NKAIN2: variants seen among roughly 807,000 people sequenced by gnomAD.
NKAIN2 encodes sodium/potassium-transporting ATPase subunit beta-1-interacting protein 2.
Under a neutral mutation model 32.6 loss-of-function variants are expected in NKAIN2, and 14 were observed. The observed-to-expected ratio is 0.43, with a 90% CI of 0.28 to 0.67. NKAIN2 has a LOEUF of 0.67. Among genes scored for constraint, NKAIN2 ranks in the 30% least tolerant of loss-of-function variants. NKAIN2 has a pLI of 0.17. For missense variants in NKAIN2, 198 were observed against 258.3 expected, an observed-to-expected ratio of 0.77 and a Z score of 1.60; for synonymous variants, 80 against 87.2, an observed-to-expected ratio of 0.92 and a Z score of 0.46.
At chr6:124,207,514 A>G (rs1562422607) in intron 1 of NKAIN2, among the ~76,000 whole-genome samples, 1 of 150,348 alleles carries the variant, frequency 6.7e-6, no homozygotes, top group African/African-American at 2.4e-5. Context: ...CAGTTTTACT[A>G]TAGCATTTCT....
rs191676700 is a variant in NKAIN2, at chr6:124,554,212, G to A, written c.274-103974G>A. ...AATTCATTCTCTTTCCTGGAGGTACGTTTCACAGCTAACTATTCTTGGCAG... is the reference window on the plus strand; with the variant it reads ...AATTCATTCTCTTTCCTGGAGGTACATTTCACAGCTAACTATTCTTGGCAG... On this transcript the variant is annotated intron_variant, in intron 3 of 6. Transcript: ENST00000368417. 2.3e-4 allele frequency among the ~76,000 whole-genome samples: 35 copies of A among 152,262 alleles called. No homozygotes were observed. In the East Asian group the frequency reaches 4.8e-3, roughly 21 times the overall value.
intron 1 of NKAIN2, among the ~76,000 whole-genome samples, chr6:123,830,246 T>C (rs1363702130): frequency 6.6e-6 from 1 of 152,170 alleles, no homozygotes; most frequent in African/African-American, 2.4e-5. Flanking sequence ...GGCTCCCCTC[T>C]TGTCTTCTTT....
intron 1 of NKAIN2, among the ~76,000 whole-genome samples, chr6:124,275,940 C>T (rs79136003): frequency 0.034 from 5,149 of 151,932 alleles, 309 homozygotes; most frequent in African/African-American, 0.12. Context: ...TATAACATCC[C>T]CATATTGTAG....
intron 3 of NKAIN2, among the ~76,000 whole-genome samples, chr6:124,646,264 G>C (rs929170886): frequency 6.6e-6 from 1 of 152,090 alleles, no homozygotes; most frequent in African/African-American, 2.4e-5. Flanking sequence ...AGAACAATTA[G>C]AGAATAATTA....
At chr6:124,805,257 G>A (rs1402118529) in intron 5 of NKAIN2, among the ~76,000 whole-genome samples, 1 of 152,180 alleles carries the variant, frequency 6.6e-6, no homozygotes, top group Non-Finnish European at 1.5e-5. Context: ...GGGGCAGACT[G>A]ACATCTCACA....
At chr6:124,096,596 T>A (rs924152524) in intron 1 of NKAIN2, among the ~76,000 whole-genome samples, 2 of 152,146 alleles carry the variant, frequency 1.3e-5, no homozygotes, top group African/African-American at 4.8e-5. Flanking sequence ...GAACTCCAGG[T>A]GGGGCTATAG....
chr6:124,704,506 AAT>A (rs1491403727), intron 4 of NKAIN2, among the ~76,000 whole-genome samples: 2 of 151,902 alleles, frequency 1.3e-5, no homozygotes, highest in Non-Finnish European at 2.9e-5. Context: ...AAATAATAAT[AAT>A]AAAAAAACAT....
intron 1 of NKAIN2, among the ~76,000 whole-genome samples, chr6:124,142,389 T>A (rs1295081250): frequency 6.6e-6 from 1 of 152,214 alleles, no homozygotes; most frequent in East Asian, 1.9e-4. Flanking sequence ...TTATCTCAAG[T>A]TCTTTTATTA....
intron 1 of NKAIN2, among the ~76,000 whole-genome samples, chr6:124,065,420 T>C (rs765691273): frequency 6.6e-6 from 1 of 152,152 alleles, no homozygotes; most frequent in Non-Finnish European, 1.5e-5. Context: ...TTGAAACTTA[T>C]TGATAGTATT....
chr6:124,083,563 C>G (rs181997966), intron 1 of NKAIN2, among the ~76,000 whole-genome samples: 1 of 151,798 alleles, frequency 6.6e-6, no homozygotes, highest in East Asian at 1.9e-4. Context: ...TACTCTTTTA[C>G]TACTTCTTTA....
chr6:124,231,773 A>G (rs1033339374), intron 1 of NKAIN2, among the ~76,000 whole-genome samples: 1 of 151,936 alleles, frequency 6.6e-6, no homozygotes, highest in South Asian at 2.1e-4. Flanking sequence ...TTTTCTTCCC[A>G]GTCTCATGTA....
chr6:124,221,042 G>A (rs1791787488), intron 1 of NKAIN2, among the ~76,000 whole-genome samples: 1 of 151,996 alleles, frequency 6.6e-6, no homozygotes, highest in African/African-American at 2.4e-5. Context: ...CTTTACTGAG[G>A]AGAAAATCAG....
intron 3 of NKAIN2, among the ~76,000 whole-genome samples, chr6:124,367,890 A>G (rs1173284556): frequency 6.6e-6 from 1 of 152,144 alleles, no homozygotes; most frequent in Non-Finnish European, 1.5e-5. Context: ...ATGTGGACCA[A>G]TTATTTCAAG....
chr6:124,291,688 G>A (rs934257665), intron 2 of NKAIN2, among the ~76,000 whole-genome samples: 3 of 152,124 alleles, frequency 2.0e-5, no homozygotes, highest in Non-Finnish European at 2.9e-5. Flanking sequence ...TCTGGAGGCT[G>A]CTCTGAGAAG....
intron 1 of NKAIN2, among the ~76,000 whole-genome samples, chr6:124,212,098 G>T (rs1357741178): frequency 6.6e-6 from 1 of 152,020 alleles, no homozygotes; most frequent in East Asian, 1.9e-4. Flanking sequence ...GGAATACATT[G>T]CTTTTAAGAA....
chr6:124,164,936 G>A (rs186995114), intron 1 of NKAIN2, among the ~76,000 whole-genome samples: 228 of 152,200 alleles, frequency 1.5e-3, no homozygotes, highest in African/African-American at 3.4e-3. Flanking sequence ...CAGAATATTA[G>A]GTTTAGAGCC....
At chr6:124,307,541 G>GA (rs1796555853) in intron 2 of NKAIN2, among the ~76,000 whole-genome samples, 1 of 152,062 alleles carries the variant, frequency 6.6e-6, no homozygotes, top group South Asian at 2.1e-4. Flanking sequence ...AATCCATCCT[G>GA]AAAAAATAGC....
chr6:124,261,441 T>A (rs915943398), intron 1 of NKAIN2, among the ~76,000 whole-genome samples: 1 of 152,164 alleles, frequency 6.6e-6, no homozygotes, highest in Non-Finnish European at 1.5e-5. Flanking sequence ...TTTACATGTT[T>A]GAATCCCTCA....
At chr6:124,055,759 A>C (rs1181538951) in intron 1 of NKAIN2, among the ~76,000 whole-genome samples, 3 of 151,998 alleles carry the variant, frequency 2.0e-5, no homozygotes, top group African/African-American at 7.2e-5. Context: ...TCACTCTCCT[A>C]GTTGCCAGTT....
Sources: allele counts gnomAD v4.1 joint callset (sites outside exome capture counted in the v4.1 genomes callset), GRCh38; gene constraint gnomAD v4.1.1; transcripts MANE v1.5; gene names NCBI Gene and HGNC (gene_info 2026-07-23, HGNC 2026-07-21).